The following MYO6 variants were observed in gnomAD, a reference collection of about 807,000 sequenced individuals.
MYO6 encodes myosin VI, also known as unconventional myosin-VI.
A neutral mutation model predicts 178.7 loss-of-function variants in MYO6; 74 were observed. The observed-to-expected ratio is 0.41, with a 90% confidence interval of 0.34 to 0.50. The LOEUF (loss-of-function observed/expected upper bound fraction) is 0.50. Ranked by LOEUF, MYO6 falls within the 20% of genes least tolerant of loss-of-function variation. MYO6 has a pLI of 0.09. For synonymous variants in MYO6, 477 were observed against 504.6 expected (o/e 0.95, Z 0.73); for missense variants, 1,330 against 1,547.4 (o/e 0.86, Z 2.36).
intron 1 of MYO6, among the ~76,000 whole-genome samples, chr6:75,773,629 C>A (rs928024002): frequency 1.3e-5 from 2 of 152,170 alleles, no homozygotes; most frequent in African/African-American, 4.8e-5. Context: ...CCACCATCAT[C>A]AAGCTTATGT....
At chr6:75,795,540 A>G (rs896501938) in intron 1 of MYO6, among the ~76,000 whole-genome samples, 3 of 152,216 alleles carry the variant, frequency 2.0e-5, no homozygotes, top group Non-Finnish European at 4.4e-5. Context: ...TCAGTAATGC[A>G]TAAATTGTGT....
rs1009001469 is a variant in MYO6 at position 75,886,945 on chromosome 6, A to T, written c.2609A>T (p.Gln870Leu). Reference sequence around the variant, plus strand: ...GATGGAAAACCCGAGATGAATAAACAGATCAAGAATCTGGAAATTTCTATT... The same window carrying T: ...GATGGAAAACCCGAGATGAATAAACTGATCAAGAATCTGGAAATTTCTATT... ...LKDGKPEMNK[Q>L]IKNLEISIDT... is the part of the protein sequence containing the mutation. Residue 870 changes from glutamine (Q) to leucine (L), a missense_variant, in exon 25 of 35, where the codon CAG becomes CTG. By Grantham distance (113) the Gln-to-Leu change is moderately radical. Transcript: ENST00000369977. The T allele has an allele frequency of 6.2e-7, 1 of 1,613,698 alleles. No individual in the cohort carries two copies. Among genetic ancestry groups the T allele is most frequent in the African/African-American group, 1.3e-5 (1 of 74,924 alleles).
intron 2 of MYO6, among the ~76,000 whole-genome samples, chr6:75,821,600 T>C (rs2150181193): frequency 6.6e-6 from 1 of 151,084 alleles, no homozygotes. Context: ...GCAGCGTGGA[T>C]TTTACTCATT....
At position 75,916,608 on chromosome 6, in the gene MYO6, CT is replaced by C. The variant is rs1781132149; in HGVS notation, c.*1598del. The C allele has an allele frequency of 6.6e-6, 1 of 152,620 alleles. No individual in the cohort carries two copies. The highest frequency in any genetic ancestry group is 1.5e-5 in the Non-Finnish European group (1 of 68,036). The allele number at this position is 152,620 out of a possible 1,614,324, so 9.5% of individuals were successfully genotyped here. ...CTGAAGTAAATGACCTATTCTCTCT[CT>C]TCCATCTCTCGCCTTTAACTGGTGT... On this transcript the variant is annotated 3_prime_UTR_variant, in exon 35 of 35. Transcript: ENST00000369977.
chr6:75,786,909 T>C (rs1767623671), intron 1 of MYO6, among the ~76,000 whole-genome samples: 1 of 152,248 alleles, frequency 6.6e-6, no homozygotes, highest in Admixed American at 6.5e-5. Context: ...ATCACTACTA[T>C]ACTTTAAAAT....
chr6:75,831,529 T>A (rs1773074547), intron 5 of MYO6, among the ~76,000 whole-genome samples: 1 of 152,250 alleles, frequency 6.6e-6, no homozygotes, highest in Non-Finnish European at 1.5e-5. Flanking sequence ...AAAAGTTACA[T>A]GTTTAAAATG....
chr6:75,826,460 G>A (rs191365273), intron 3 of MYO6, among the ~76,000 whole-genome samples: 32 of 152,274 alleles, frequency 2.1e-4, no homozygotes, highest in Non-Finnish European at 2.4e-4. Flanking sequence ...CGTTCACAGG[G>A]GAAGCGTACT....
intron 1 of MYO6, among the ~76,000 whole-genome samples, chr6:75,765,616 T>C (rs2748957): frequency 0.77 from 117,137 of 152,108 alleles, 46,346 homozygotes; most frequent in East Asian, 0.95. Context: ...GAAGTGATGG[T>C]ATGTGCATCT....
intron 1 of MYO6, among the ~76,000 whole-genome samples, chr6:75,786,081 A>G (rs1267287532): frequency 6.6e-6 from 1 of 151,750 alleles, no homozygotes; most frequent in Non-Finnish European, 1.5e-5. Context: ...ACGCCCAGCT[A>G]AATTTTTTTT....
At chr6:75,850,471 G>GT (rs747422615) in intron 11 of MYO6, among the ~76,000 whole-genome samples, 3 of 152,190 alleles carry the variant, frequency 2.0e-5, no homozygotes, top group Non-Finnish European at 4.4e-5. Context: ...TTCTGCTCAT[G>GT]TCTGACTAAC....
chr6:75,914,011 C>G (rs916115006), intron 33 of MYO6, 52 bp from the exon 34 acceptor site: 1 of 1,567,150 alleles, frequency 6.4e-7, no homozygotes, highest in Non-Finnish European at 8.7e-7. Flanking sequence ...ATTAAAGGCT[C>G]TTTTCTTTTC....
At chr6:75,779,728 G>T (rs1766769509) in intron 1 of MYO6, among the ~76,000 whole-genome samples, 1 of 152,050 alleles carries the variant, frequency 6.6e-6, no homozygotes, top group African/African-American at 2.4e-5. Context: ...AAGGTTTTAT[G>T]CTTTAGTCAT....
intron 20 of MYO6, among the ~76,000 whole-genome samples, chr6:75,876,418 G>T (rs1338314986): frequency 6.6e-6 from 1 of 152,120 alleles, no homozygotes; most frequent in African/African-American, 2.4e-5. Context: ...AAAATATGAA[G>T]ATTTATTTGT....
At chr6:75,808,031 G>A (rs1437968641) in intron 1 of MYO6, among the ~76,000 whole-genome samples, 3 of 152,092 alleles carry the variant, frequency 2.0e-5, no homozygotes, top group African/African-American at 4.8e-5. Context: ...ATCTTCTATA[G>A]CTTCTAGTGA....
rs1413071455 is a variant in MYO6, at chr6:75,902,622, CTTT to C, written c.3176+4212_3176+4214del. Among the ~76,000 whole-genome samples, 711 of 151,762 alleles carry C rather than the reference CTTT, an allele frequency of 4.7e-3. 5 individuals carry two copies. The highest frequency in any genetic ancestry group is 9.6e-3 in the South Asian group (46 of 4,788). On this transcript the variant is annotated intron_variant, in intron 30 of 34. Transcript: ENST00000369977. ...CTATTTGATTCTTCTCTCTTTTTTT[CTTT>C]ATTAGTCTTGCTAGCGGTCTATCAA...
intron 23 of MYO6, among the ~76,000 whole-genome samples, chr6:75,883,443 C>A (rs1283889771): frequency 6.6e-6 from 1 of 152,032 alleles, no homozygotes; most frequent in Non-Finnish European, 1.5e-5. Context: ...TGTTCATATT[C>A]ATTTTCTTCA....
chr6:75,830,543 TTGG>T lies in MYO6; in HGVS notation c.391_391+2del. ...ACAAGACCACCTCATGTCTTTGCAA[TTGG>T]TAAGTGATTTTAAATGTATTTTAAT... is the stretch of plus-strand genomic sequence containing the variant. On this transcript the variant is annotated splice_donor_variant and coding_sequence_variant, in exon 5 of 35. Transcript: ENST00000369977. LOFTEE classifies it high-confidence loss of function. The T allele has an allele frequency of 6.2e-7, 1 of 1,610,706 alleles. No homozygotes were observed. The highest frequency in any genetic ancestry group is 8.5e-7 in the Non-Finnish European group (1 of 1,177,206).
intron 19 of MYO6, among the ~76,000 whole-genome samples, 172 bp from the exon 20 acceptor site, chr6:75,873,035 A>G (rs2149327334): frequency 6.6e-6 from 1 of 152,274 alleles, no homozygotes; most frequent in Middle Eastern, 3.4e-3. Flanking sequence ...CAGCCTCCCA[A>G]AATGCTGGAT....
intron 7 of MYO6, among the ~76,000 whole-genome samples, chr6:75,839,745 T>C (rs1774027684): frequency 6.6e-6 from 1 of 152,170 alleles, no homozygotes; most frequent in African/African-American, 2.4e-5. Context: ...CCCATTATTC[T>C]GAGAGCCTTA....
Sources: allele counts gnomAD v4.1 joint callset (sites outside exome capture counted in the v4.1 genomes callset), GRCh38; gene constraint gnomAD v4.1.1; transcripts MANE v1.5; gene names NCBI Gene and HGNC (gene_info 2026-07-23, HGNC 2026-07-21).